Variants in GRIN2B observed in about 807,000 individuals in gnomAD.
GRIN2B encodes glutamate receptor ionotropic, NMDA 2B.
Under a neutral mutation model 114.5 loss-of-function variants are expected in GRIN2B, and 5 were observed. The observed-to-expected ratio is 0.04, with a 90% CI of 0.02 to 0.09. The LOEUF (loss-of-function observed/expected upper bound fraction) is 0.09. Among genes scored for constraint, GRIN2B ranks in the 10% least tolerant of loss-of-function variants. The pLI is 1.00. For synonymous variants in GRIN2B, 787 were observed against 745.1 expected (o/e 1.06, Z -0.92); for missense variants, 1,108 against 1,943.5 (o/e 0.57, Z 8.08).
At chr12:13,904,658 C>T (rs1315265850) in intron 2 of GRIN2B, among the ~76,000 whole-genome samples, 1 of 152,006 alleles carries the variant, frequency 6.6e-6, no homozygotes, top group African/African-American at 2.4e-5. Flanking sequence ...GTTCAAAATT[C>T]TAGTTTTTAT....
chr12:13,956,358 C>A (rs1407472847), intron 2 of GRIN2B, among the ~76,000 whole-genome samples: 2 of 152,158 alleles, frequency 1.3e-5, no homozygotes, highest in African/African-American at 4.8e-5. Context: ...TCCGAGGAGG[C>A]AGATATGATT....
chr12:13,783,686 G>A (rs952514194), intron 3 of GRIN2B, among the ~76,000 whole-genome samples: 1 of 152,106 alleles, frequency 6.6e-6, no homozygotes, highest in African/African-American at 2.4e-5. Context: ...CGGGATAAAA[G>A]TATGTTTCAT....
chr12:13,592,136 C>G (rs575878504), intron 10 of GRIN2B, among the ~76,000 whole-genome samples: 1 of 152,020 alleles, frequency 6.6e-6, no homozygotes, highest in East Asian at 1.9e-4. Flanking sequence ...TGGAGGGTGA[C>G]GGGTGTGTTT....
chr12:13,545,688 AG>A lies in GRIN2B; in HGVS notation c.*17094del, dbSNP rs1948333462. On this transcript the variant is annotated 3_prime_UTR_variant, in exon 14 of 14. Coordinates refer to ENST00000609686, the MANE Select transcript of GRIN2B (RefSeq NM_000834.5). ...CCTTGGGTTAATTATTATTTTTAATAGGTAAGAAAAAAGTTACTCCGAGTTT... is the reference window on the plus strand; with the variant it reads ...CCTTGGGTTAATTATTATTTTTAATAGTAAGAAAAAAGTTACTCCGAGTTT... The A allele has an allele frequency of 6.6e-6, 1 of 152,204 alleles. No individual in the cohort carries two copies. Among genetic ancestry groups the A allele is most frequent in the African/African-American group, 2.4e-5 (1 of 41,456 alleles). The allele number at this position is 152,204 out of a possible 1,614,324, so 9.4% of individuals were successfully genotyped here.
At chr12:13,742,341 G>T (rs1342210917) in intron 4 of GRIN2B, among the ~76,000 whole-genome samples, 2 of 152,144 alleles carry the variant, frequency 1.3e-5, no homozygotes, top group Non-Finnish European at 2.9e-5. Flanking sequence ...TTATACCTAA[G>T]CTATTGTTAT....
intron 3 of GRIN2B, among the ~76,000 whole-genome samples, chr12:13,839,474 C>T (rs1204634103): frequency 6.6e-6 from 1 of 152,154 alleles, no homozygotes; most frequent in African/African-American, 2.4e-5. Context: ...TTTTCAGCTC[C>T]CTCTAGCCAG....
At chr12:13,648,953 G>C (rs1401865835) in intron 5 of GRIN2B, among the ~76,000 whole-genome samples, 4 of 152,016 alleles carry the variant, frequency 2.6e-5, no homozygotes, top group Non-Finnish European at 5.9e-5. Context: ...AGAAGGAGAA[G>C]AAAGAGGGAT....
At chr12:13,789,720 T>G (rs1402559122) in intron 3 of GRIN2B, among the ~76,000 whole-genome samples, 1 of 152,204 alleles carries the variant, frequency 6.6e-6, no homozygotes, top group Non-Finnish European at 1.5e-5. Flanking sequence ...GTGCTCAATA[T>G]ATGTTACTTG....
chr12:13,557,770 C>G lies in GRIN2B; in HGVS notation c.*5013G>C, dbSNP rs957782507. ...CCTACTCTATTGCTCTCAGTGCTCT[C>G]TGCTCCCTTCCTCTTCTCTTGTATC... On this transcript the variant is annotated 3_prime_UTR_variant, in exon 14 of 14. Coordinates refer to ENST00000609686, the MANE Select transcript of GRIN2B (RefSeq NM_000834.5). 4.6e-5 allele frequency: 7 copies of G among 152,224 alleles called. No individual in the cohort carries two copies. The highest frequency in any genetic ancestry group is 1.7e-4 in the African/African-American group (7 of 41,456). 9.4% of individuals were successfully genotyped at this position (152,224 alleles called of 1,614,324 possible). A position where few individuals can be genotyped will look rare whatever the true frequency, so the allele number is the denominator to read the frequency against.
Position 13,978,553 on chromosome 12 carries a change from T to C in GRIN2B, c.-19+1375A>G, listed in dbSNP as rs182917477. The stretch of plus-strand genomic sequence containing the variant: ...TCACCTCTTCCCCACATCCCTTTGG[T>C]ATTTTGGATTATCAAAGAATTGTTG... On this transcript the variant is annotated intron_variant, in intron 2 of 13. Transcript: ENST00000609686. Among the ~76,000 whole-genome samples the C allele has an allele frequency of 8.3e-4, 126 of 152,350 alleles. 1 individual carries two copies. The highest frequency in any genetic ancestry group is 2.8e-3 in the African/African-American group (117 of 41,586).
chr12:13,640,380 T>C (rs2136506336), intron 5 of GRIN2B, among the ~76,000 whole-genome samples: 1 of 152,298 alleles, frequency 6.6e-6, no homozygotes, highest in East Asian at 1.9e-4. Flanking sequence ...TAAGTGATAG[T>C]CAAAACCCCT....
At chr12:13,930,551 A>G (rs1174280797) in intron 2 of GRIN2B, among the ~76,000 whole-genome samples, 7 of 152,222 alleles carry the variant, frequency 4.6e-5, no homozygotes, top group South Asian at 2.1e-4. Context: ...CCTTCCCACC[A>G]TTAATCTGTG....
chr12:13,579,448 G>A (rs371644197), intron 10 of GRIN2B, among the ~76,000 whole-genome samples: 29 of 152,272 alleles, frequency 1.9e-4, no homozygotes, highest in African/African-American at 7.0e-4. Context: ...TTTGTACAAT[G>A]GGCTGCTAAT....
intron 5 of GRIN2B, among the ~76,000 whole-genome samples, chr12:13,658,138 C>G (rs1289563939): frequency 6.6e-6 from 1 of 151,686 alleles, no homozygotes; most frequent in Non-Finnish European, 1.5e-5. Context: ...ACCCGGGAGG[C>G]TGAGGTTGCG....
intron 2 of GRIN2B, among the ~76,000 whole-genome samples, chr12:13,957,690 C>G (rs1867616011): frequency 6.6e-6 from 1 of 152,122 alleles, no homozygotes. Flanking sequence ...CCACAAATGC[C>G]TCCCACCCAG....
At chr12:13,819,460 C>T (rs575932484) in intron 3 of GRIN2B, among the ~76,000 whole-genome samples, 35 of 152,258 alleles carry the variant, frequency 2.3e-4, no homozygotes, top group African/African-American at 8.2e-4. Flanking sequence ...CCTTACTAAT[C>T]CCTGAAAGGG....
intron 3 of GRIN2B, among the ~76,000 whole-genome samples, chr12:13,828,557 C>A (rs965482185): frequency 6.6e-6 from 1 of 152,178 alleles, no homozygotes; most frequent in South Asian, 2.1e-4. Flanking sequence ...TGATCTCTGT[C>A]TCCTCAACTC....
chr12:13,600,127 C>T (rs767829449), intron 10 of GRIN2B, among the ~76,000 whole-genome samples: 25 of 152,146 alleles, frequency 1.6e-4, no homozygotes, highest in Non-Finnish European at 3.1e-4. Context: ...TAATATCTTG[C>T]ATAGGGATAC....
intron 10 of GRIN2B, among the ~76,000 whole-genome samples, chr12:13,603,306 C>T (rs958620394): frequency 6.6e-6 from 1 of 152,100 alleles, no homozygotes; most frequent in African/African-American, 2.4e-5. Flanking sequence ...GGGAAAGGAT[C>T]TAACTTGTTA....
Sources: gnomAD v4.1 joint callset for allele counts (sites outside exome capture counted in the v4.1 genomes callset) on GRCh38, gnomAD v4.1.1 for gene constraint, MANE v1.5 for transcripts, NCBI Gene and HGNC (gene_info 2026-07-23, HGNC 2026-07-21) for gene names.